Variants in GCH1 observed in about 807,000 individuals in gnomAD.
GCH1 encodes GTP cyclohydrolase 1.
A neutral mutation model predicts 25.9 loss-of-function variants in GCH1; 5 were observed. The observed-to-expected ratio is 0.19, with a 90% CI of 0.10 to 0.41. GCH1 has a LOEUF of 0.41. Ranked by LOEUF, GCH1 falls within the 10% of genes least tolerant of loss-of-function variation. The probability of loss-of-function intolerance (pLI) is 1.00; values close to 1 mark genes in which losing one functional copy is unlikely to be tolerated. For synonymous variants in GCH1, 159 were observed against 129.6 expected (o/e 1.23, Z -1.54); for missense variants, 261 against 336.5 (o/e 0.78, Z 1.75).
intron 1 of GCH1, among the ~76,000 whole-genome samples, chr14:54,882,902 A>T (rs1330413092): frequency 6.6e-6 from 1 of 152,186 alleles, no homozygotes; most frequent in Non-Finnish European, 1.5e-5. Context: ...TCCCAAATAC[A>T]GCCAATCAAC....
At chr14:54,874,217 T>A (rs1477910535) in intron 1 of GCH1, among the ~76,000 whole-genome samples, 2 of 152,324 alleles carry the variant, frequency 1.3e-5, no homozygotes, top group East Asian at 3.9e-4. Context: ...TAATCCAGCA[T>A]ATAAACAGAA....
rs559102368 is a variant in GCH1 at position 54,854,016 on chromosome 14, C to T, written c.509+5665G>A. On this transcript the variant is annotated intron_variant, in intron 3 of 5. Coordinates refer to ENST00000491895, the MANE Select transcript of GCH1 (RefSeq NM_000161.3). ...TTTCTCTCCCCATCTTTTTAAAAAA[C>T]GTATTCATCAAGATGTAAAGATTTA... Among the ~76,000 whole-genome samples the T allele has an allele frequency of 3.1e-3, 469 of 152,234 alleles. 2 individuals carry two copies. The highest frequency in any genetic ancestry group is 0.014 in the Middle Eastern group (4 of 292).
chr14:54,863,937 C>A (rs1001778097), intron 2 of GCH1, among the ~76,000 whole-genome samples: 2 of 152,262 alleles, frequency 1.3e-5, no homozygotes, highest in South Asian at 4.1e-4. Context: ...CGGCTCACTG[C>A]AACCCCTGCC....
chr14:54,870,279 C>T (rs2040051030), intron 1 of GCH1, among the ~76,000 whole-genome samples: 1 of 134,812 alleles, frequency 7.4e-6, no homozygotes, highest in Admixed American at 8.6e-5. Context: ...GAGAACATTG[C>T]TAGAGGCCAA....
chr14:54,843,286 G>C lies in GCH1; in HGVS notation c.*731C>G, dbSNP rs1344848838. ...AGGCAAAAGTATCTACACTCTAAAT[G>C]ATATTCTTATCAAGGCACAGAGAGT... On this transcript the variant is annotated 3_prime_UTR_variant, in exon 6 of 6. Coordinates refer to ENST00000491895, the MANE Select transcript of GCH1 (RefSeq NM_000161.3). 2 of 1,362,012 alleles carry C rather than the reference G, an allele frequency of 1.5e-6. No homozygotes were observed. The highest frequency in any genetic ancestry group is 3.0e-5 in the African/African-American group (2 of 67,784). The allele number at this position is 1,362,012 out of a possible 1,614,324, so 84.4% of individuals were successfully genotyped here.
At chr14:54,869,214 T>C (rs1044261791) in intron 1 of GCH1, among the ~76,000 whole-genome samples, 4 of 151,654 alleles carry the variant, frequency 2.6e-5, no homozygotes, top group Non-Finnish European at 5.9e-5. Flanking sequence ...AATTTTTTTG[T>C]ATTTTTAGTA....
intron 3 of GCH1, among the ~76,000 whole-genome samples, chr14:54,856,102 C>T (rs1412149254): frequency 2.6e-5 from 4 of 152,188 alleles, no homozygotes; most frequent in African/African-American, 9.7e-5. Flanking sequence ...AATCTGGTTC[C>T]CATCCACTGG....
At chr14:54,844,197 G>T in intron 5 of GCH1, 54 bp from the exon 6 acceptor site, 1 of 1,217,306 alleles carries the variant, frequency 8.2e-7, no homozygotes. Flanking sequence ...TGCTGGTTTG[G>T]TTTTTAAAAG....
intron 5 of GCH1, among the ~76,000 whole-genome samples, chr14:54,844,783 A>C (rs954146051): frequency 6.6e-6 from 1 of 152,236 alleles, no homozygotes; most frequent in Non-Finnish European, 1.5e-5. Flanking sequence ...TCTTGGCTTT[A>C]TTTTTTAAAT....
intron 3 of GCH1, among the ~76,000 whole-genome samples, chr14:54,857,500 C>T (rs965203613): frequency 1.3e-5 from 2 of 152,178 alleles, no homozygotes; most frequent in East Asian, 3.9e-4. Flanking sequence ...TCCATTACAC[C>T]TTTCACATAT....
intron 3 of GCH1, among the ~76,000 whole-genome samples, chr14:54,855,678 G>A (rs1375579597): frequency 6.6e-6 from 1 of 151,648 alleles, no homozygotes; most frequent in African/African-American, 2.4e-5. Context: ...GCCAGGCATG[G>A]TGGTGCACAT....
At chr14:54,847,619 T>C (rs182152584) in intron 3 of GCH1, among the ~76,000 whole-genome samples, 1 of 152,222 alleles carries the variant, frequency 6.6e-6, no homozygotes, top group East Asian at 1.9e-4. Context: ...AGACAGCCTA[T>C]TGTGGGACCC....
At chr14:54,855,683 G>A (rs1465060191) in intron 3 of GCH1, among the ~76,000 whole-genome samples, 2 of 147,486 alleles carry the variant, frequency 1.4e-5, no homozygotes, top group South Asian at 2.2e-4. Context: ...GCATGGTGGT[G>A]CACATCAGTA....
chr14:54,847,143 G>T lies in GCH1; in HGVS notation c.510-13C>A. The T allele has an allele frequency of 2.1e-6, 2 of 965,732 alleles. No homozygotes were observed. The highest frequency in any genetic ancestry group is 3.3e-6 in the Non-Finnish European group (2 of 614,656). The allele number at this position is 965,732 out of a possible 1,614,324, so 59.8% of individuals were successfully genotyped here. On this transcript the variant is annotated splice_polypyrimidine_tract_variant and intron_variant, in intron 3 of 5. Transcript: ENST00000491895. ...GATTTCTACAATCCTAGAAAAGAAAGAATTGTTTTAGTTAATCACAAATCA... is the reference window on the plus strand; with the variant it reads ...GATTTCTACAATCCTAGAAAAGAAATAATTGTTTTAGTTAATCACAAATCA...
At chr14:54,874,317 A>C (rs543256371) in intron 1 of GCH1, among the ~76,000 whole-genome samples, 6 of 152,346 alleles carry the variant, frequency 3.9e-5, no homozygotes, top group Non-Finnish European at 8.8e-5. Context: ...AACTCTCAAT[A>C]AATTAGGTAT....
At chr14:54,896,784 G>A (rs2040490269) in intron 1 of GCH1, among the ~76,000 whole-genome samples, 1 of 151,420 alleles carries the variant, frequency 6.6e-6, no homozygotes, top group Admixed American at 6.6e-5. Flanking sequence ...GCCGGGTGTG[G>A]TAGCGGGCGC....
rs55885280 is a variant in GCH1 at position 54,842,552 on chromosome 14, A to AAT, written c.*1463_*1464dup. 0.016 allele frequency: 2,508 copies of AAT among 153,894 alleles called. 38 individuals are homozygous for AAT. Among genetic ancestry groups the AAT allele is most frequent in the South Asian group, 0.048 (233 of 4,838 alleles). 9.5% of individuals were successfully genotyped at this position (153,894 alleles called of 1,614,324 possible). A position where few individuals can be genotyped will look rare whatever the true frequency, so the allele number is the denominator to read the frequency against. On this transcript the variant is annotated 3_prime_UTR_variant, in exon 6 of 6. Coordinates refer to ENST00000491895, the MANE Select transcript of GCH1 (RefSeq NM_000161.3). ...AAGCTAGGAAACAGAAGTAGAGAGG[A>AAT]ATGGAAAAAAACAAAAAAACCCAAT...
intron 1 of GCH1, among the ~76,000 whole-genome samples, chr14:54,898,992 C>T (rs894843747): frequency 2.0e-5 from 3 of 152,098 alleles, no homozygotes; most frequent in African/African-American, 7.2e-5. Context: ...AAAACTAAGA[C>T]ACAAACAAAC....
chr14:54,877,719 T>G (rs1300825149), intron 1 of GCH1, among the ~76,000 whole-genome samples: 1 of 152,126 alleles, frequency 6.6e-6, no homozygotes. Context: ...GGTCTCAAAT[T>G]CCTGAGCTCA....
Sources: gnomAD v4.1 joint callset for allele counts (sites outside exome capture counted in the v4.1 genomes callset) on GRCh38, gnomAD v4.1.1 for gene constraint, MANE v1.5 for transcripts, NCBI Gene and HGNC (gene_info 2026-07-23, HGNC 2026-07-21) for gene names.